DZIP3: variants seen among roughly 807,000 people sequenced by gnomAD.
The protein encoded by DZIP3 is DAZ interacting zinc finger protein 3.
Under a neutral mutation model 162.0 loss-of-function variants are expected in DZIP3, and 118 were observed. The observed-to-expected ratio is 0.73, with a 90% CI of 0.63 to 0.85. DZIP3 has a LOEUF of 0.85. Among genes scored for constraint, DZIP3 ranks in the 40% least tolerant of loss-of-function variants. The probability of loss-of-function intolerance (pLI) is 0.00; values close to 1 mark genes in which losing one functional copy is unlikely to be tolerated. For synonymous variants in DZIP3, 438 were observed against 458.6 expected (o/e 0.96, Z 0.57); for missense variants, 1,331 against 1,407.0 (o/e 0.95, Z 0.86).
intron 5 of DZIP3, among the ~76,000 whole-genome samples, chr3:108,618,375 C>A (rs1364321181): frequency 6.6e-6 from 1 of 152,194 alleles, no homozygotes; most frequent in Non-Finnish European, 1.5e-5. Flanking sequence ...ATAGCTCACA[C>A]TTCTTTAGTG....
intron 21 of DZIP3, among the ~76,000 whole-genome samples, chr3:108,665,778 A>G (rs926695980): frequency 3.9e-5 from 6 of 152,192 alleles, no homozygotes; most frequent in Non-Finnish European, 7.4e-5. Context: ...GTTTGAAACC[A>G]TGAAGGCCAG....
intron 21 of DZIP3, among the ~76,000 whole-genome samples, chr3:108,668,066 G>T (rs1283391482): frequency 1.3e-5 from 2 of 152,034 alleles, no homozygotes; most frequent in Middle Eastern, 3.2e-3. Flanking sequence ...TTTCATCTTA[G>T]AATATGGAGA....
intron 3 of DZIP3, 28 bp from the exon 4 acceptor site, chr3:108,611,146 T>C (rs200158267): frequency 2.0e-4 from 309 of 1,549,986 alleles, no homozygotes; most frequent in Non-Finnish European, 2.6e-4. Flanking sequence ...GCAAACTGTG[T>C]AAATTTTTAA....
At chr3:108,684,456 G>C (rs1337994756) in intron 27 of DZIP3, 115 bp downstream of exon 27, 1 of 1,309,006 alleles carries the variant, frequency 7.6e-7, no homozygotes, top group Non-Finnish European at 1.0e-6. Context: ...GATGGGGGTG[G>C]TGGTGATAAT....
intron 2 of DZIP3, among the ~76,000 whole-genome samples, chr3:108,606,972 C>G (rs1231025949): frequency 6.6e-6 from 1 of 152,150 alleles, no homozygotes; most frequent in African/African-American, 2.4e-5. Flanking sequence ...CACTTGAGAA[C>G]ATGTTATACT....
At chr3:108,609,987 AT>A (rs1276954267) in intron 3 of DZIP3, among the ~76,000 whole-genome samples, 1 of 152,168 alleles carries the variant, frequency 6.6e-6, no homozygotes, top group African/African-American at 2.4e-5. Flanking sequence ...CACTACTGAT[AT>A]TGGTCATTCT....
chr3:108,606,145 C>T (rs1027938726), intron 2 of DZIP3, among the ~76,000 whole-genome samples: 7 of 152,142 alleles, frequency 4.6e-5, no homozygotes, highest in African/African-American at 1.4e-4. Flanking sequence ...CATAACAACT[C>T]TATGAAGTGA....
At chr3:108,644,908 A>C (rs1331616880) in intron 14 of DZIP3, 127 bp downstream of exon 14, 1 of 821,830 alleles carries the variant, frequency 1.2e-6, no homozygotes, top group African/African-American at 1.7e-5. Flanking sequence ...ACTCATCAGG[A>C]AGGTAATAGA....
At chr3:108,600,104 G>A (rs1195443605) in intron 1 of DZIP3, among the ~76,000 whole-genome samples, 1 of 152,140 alleles carries the variant, frequency 6.6e-6, no homozygotes, top group Non-Finnish European at 1.5e-5. Flanking sequence ...GTTTTTAAGG[G>A]TTGAAGTGAC....
At chr3:108,646,826 A>ACTTGT (rs1942643986) in intron 15 of DZIP3, among the ~76,000 whole-genome samples, 177 bp downstream of exon 15, 1 of 152,188 alleles carries the variant, frequency 6.6e-6, no homozygotes, top group Admixed American at 6.5e-5. Flanking sequence ...GTGGATCACA[A>ACTTGT]GGTCAGGAGA....
intron 1 of DZIP3, among the ~76,000 whole-genome samples, chr3:108,597,176 A>G (rs1280720656): frequency 1.3e-5 from 2 of 152,208 alleles, no homozygotes; most frequent in Non-Finnish European, 2.9e-5. Context: ...CACAAGTATC[A>G]AGTATTACAG....
chr3:108,662,530 G>A (rs1020195706), intron 21 of DZIP3, among the ~76,000 whole-genome samples: 4 of 152,150 alleles, frequency 2.6e-5, no homozygotes, highest in Admixed American at 6.5e-5. Flanking sequence ...TTAACTTTCA[G>A]GTCATGACTC....
At chr3:108,596,731 A>G (rs1442563235) in intron 1 of DZIP3, among the ~76,000 whole-genome samples, 1 of 152,174 alleles carries the variant, frequency 6.6e-6, no homozygotes, top group Non-Finnish European at 1.5e-5. Context: ...TTAAAGCAAT[A>G]TTGAGTGCTT....
At chr3:108,652,783 T>TA (rs1942923487) in intron 18 of DZIP3, among the ~76,000 whole-genome samples, 1 of 151,876 alleles carries the variant, frequency 6.6e-6, no homozygotes. Flanking sequence ...TATGTTTAGG[T>TA]ACGTTTAAAT....
intron 1 of DZIP3, among the ~76,000 whole-genome samples, chr3:108,596,380 T>C (rs1377182901): frequency 6.6e-6 from 1 of 152,130 alleles, no homozygotes; most frequent in Non-Finnish European, 1.5e-5. Flanking sequence ...GGGTTGGAGA[T>C]AGAAATTGAA....
chr3:108,637,244 A>G (rs956013415), intron 11 of DZIP3, among the ~76,000 whole-genome samples: 1 of 152,020 alleles, frequency 6.6e-6, no homozygotes, highest in African/African-American at 2.4e-5. Context: ...AAAATGTGCT[A>G]TTTTTGTATT....
Position 108,677,557 on chromosome 3 carries a change from C to T in DZIP3, c.2842C>T (p.Pro948Ser). Residue 948 changes from proline to serine, a missense_variant, in exon 26 of 33, where the codon CCA (proline) becomes TCA (serine). Pro to Ser is a moderately conservative substitution (Grantham distance 74, BLOSUM62 -1). Transcript: ENST00000361582. The part of the protein sequence containing the change: ...KQGFALSTLP[P>S]VQLPPPPPSP... ...AGGATTTGCCTTGAGTACCTTGCCTCCAGTCCAGCTTCCTCCTCCACCACC... is the reference window on the plus strand; with the variant it reads ...AGGATTTGCCTTGAGTACCTTGCCTTCAGTCCAGCTTCCTCCTCCACCACC... 6.2e-7 allele frequency: 1 copy of T among 1,612,724 alleles called. No homozygotes were observed. The highest frequency in any genetic ancestry group is 8.5e-7 in the Non-Finnish European group (1 of 1,179,048).
At chr3:108,625,409 T>C (rs1941547321) in intron 6 of DZIP3, among the ~76,000 whole-genome samples, 1 of 152,230 alleles carries the variant, frequency 6.6e-6, no homozygotes, top group African/African-American at 2.4e-5. Flanking sequence ...TGGCTAGTAG[T>C]ACTTGCCAGT....
At chr3:108,692,643 G>A (rs1944740137) in intron 32 of DZIP3, among the ~76,000 whole-genome samples, 1 of 151,996 alleles carries the variant, frequency 6.6e-6, no homozygotes, top group Admixed American at 6.6e-5. Context: ...TTCTCAAATG[G>A]TTTACATCAG....
Sources: gnomAD v4.1 joint callset for allele counts (sites outside exome capture counted in the v4.1 genomes callset) on GRCh38, gnomAD v4.1.1 for gene constraint, MANE v1.5 for transcripts, NCBI Gene and HGNC (gene_info 2026-07-23, HGNC 2026-07-21) for gene names.